Variants in SCFD2 observed in about 807,000 individuals in gnomAD.
SCFD2 encodes the protein sec1 family domain containing 2.
A neutral mutation model predicts 58.9 loss-of-function variants in SCFD2; 54 were observed. The ratio of observed to expected loss-of-function variants is 0.92; its 90% CI spans 0.74 to 1.15. The LOEUF is 1.15. Ranked by LOEUF, SCFD2 falls within the 50% of genes most tolerant of loss-of-function variation. The pLI is 0.00. For missense variants in SCFD2, 805 were observed against 836.6 expected (o/e 0.96, Z 0.47); for synonymous variants, 321 against 335.9 (o/e 0.96, Z 0.49).
chr4:53,305,253 C>A (rs778131237), intron 3 of SCFD2, among the ~76,000 whole-genome samples: 1 of 152,094 alleles, frequency 6.6e-6, no homozygotes, highest in Non-Finnish European at 1.5e-5. Context: ...TCCCTATGTT[C>A]TCTTCTAAGA....
intron 4 of SCFD2, among the ~76,000 whole-genome samples, chr4:53,236,852 ATTT>A (rs869043344): frequency 1.1e-4 from 12 of 107,660 alleles, no homozygotes; most frequent in Non-Finnish European, 1.6e-4. Context: ...TTATTTATTT[ATTT>A]TTTATTGATA....
chr4:53,010,140 G>T (rs2148806510), intron 5 of SCFD2, among the ~76,000 whole-genome samples: 1 of 152,200 alleles, frequency 6.6e-6, no homozygotes, highest in African/African-American at 2.4e-5. Context: ...CATTTGTTTT[G>T]CTGAGTTGAT....
At chr4:53,025,449 C>T (rs1457775250) in intron 5 of SCFD2, among the ~76,000 whole-genome samples, 2 of 152,130 alleles carry the variant, frequency 1.3e-5, no homozygotes, top group Non-Finnish European at 2.9e-5. Flanking sequence ...CTCCATGCTG[C>T]TGATGGAGAA....
rs1723106498 is a variant in SCFD2 at position 53,048,712 on chromosome 4, C to T, written c.1561+96621G>A. The stretch of plus-strand genomic sequence containing the variant: ...GCTGTGTATCTCAAATGTTTTATTT[C>T]GATGGCCCTCCAGGCCCTGGGTCAT... On this transcript the variant is annotated intron_variant, in intron 5 of 8. Coordinates refer to ENST00000401642, the MANE Select transcript of SCFD2 (RefSeq NM_152540.4). Among the ~76,000 whole-genome samples the T allele has an allele frequency of 2.6e-5, 4 of 152,140 alleles. No homozygotes were observed. The South Asian group carries it at 8.3e-4, about 32-fold the overall frequency.
chr4:52,918,457 G>A (rs566941655), intron 6 of SCFD2, among the ~76,000 whole-genome samples: 1 of 152,058 alleles, frequency 6.6e-6, no homozygotes, highest in Non-Finnish European at 1.5e-5. Flanking sequence ...TTGTCACAAG[G>A]CTTACATCTG....
chr4:53,223,900 G>GT (rs1729121283), intron 4 of SCFD2, among the ~76,000 whole-genome samples: 1 of 152,134 alleles, frequency 6.6e-6, no homozygotes, highest in South Asian at 2.1e-4. Context: ...CTGCATTATA[G>GT]ATACTACGAA....
At chr4:53,350,109 AG>A (rs1403434139) in intron 2 of SCFD2, among the ~76,000 whole-genome samples, 1 of 152,198 alleles carries the variant, frequency 6.6e-6, no homozygotes, top group Non-Finnish European at 1.5e-5. Flanking sequence ...GTCCTCTGTA[AG>A]TGTGTGCTAT....
chr4:53,118,522 T>C (rs1157528967), intron 5 of SCFD2, among the ~76,000 whole-genome samples: 3 of 152,186 alleles, frequency 2.0e-5, no homozygotes, highest in Non-Finnish European at 4.4e-5. Context: ...CATCTCATAA[T>C]TGCAATAAGT....
intron 5 of SCFD2, among the ~76,000 whole-genome samples, chr4:53,032,840 G>A (rs1395622460): frequency 6.6e-6 from 1 of 152,090 alleles, no homozygotes; most frequent in African/African-American, 2.4e-5. Flanking sequence ...GGCCTACAAA[G>A]AGACTTAGAC....
intron 5 of SCFD2, among the ~76,000 whole-genome samples, chr4:53,002,926 G>A (rs1721897064): frequency 6.6e-6 from 1 of 152,156 alleles, no homozygotes; most frequent in Admixed American, 6.5e-5. Flanking sequence ...TATCTTACAT[G>A]GTGGGAGTAG....
At chr4:52,974,833 T>C (rs1410639791) in intron 5 of SCFD2, among the ~76,000 whole-genome samples, 1 of 151,866 alleles carries the variant, frequency 6.6e-6, no homozygotes, top group East Asian at 1.9e-4. Context: ...TATAGACCAA[T>C]GGAACAGAAC....
intron 4 of SCFD2, among the ~76,000 whole-genome samples, chr4:53,229,485 A>G: frequency 6.6e-6 from 1 of 152,230 alleles, no homozygotes; most frequent in East Asian, 1.9e-4. Context: ...CAACTATCTG[A>G]TCTTTGACAA....
intron 2 of SCFD2, among the ~76,000 whole-genome samples, chr4:53,331,490 A>T (rs1010652587): frequency 5.9e-5 from 9 of 152,256 alleles, no homozygotes; most frequent in Non-Finnish European, 1.2e-4. Context: ...CTGCTCCTGA[A>T]TGACTACTGG....
intron 5 of SCFD2, among the ~76,000 whole-genome samples, chr4:52,941,728 C>A (rs1351877401): frequency 3.3e-5 from 5 of 152,204 alleles, no homozygotes; most frequent in African/African-American, 1.2e-4. Flanking sequence ...GGGAAATTTA[C>A]AAAGTTAGGA....
chr4:53,132,188 T>C (rs1315383445), intron 5 of SCFD2, among the ~76,000 whole-genome samples: 1 of 152,246 alleles, frequency 6.6e-6, no homozygotes, highest in African/African-American at 2.4e-5. Flanking sequence ...ACATAGCTTG[T>C]GATATATTTT....
chr4:53,300,377 T>G (rs1732233954), intron 3 of SCFD2, among the ~76,000 whole-genome samples: 1 of 152,128 alleles, frequency 6.6e-6, no homozygotes, highest in Non-Finnish European at 1.5e-5. Flanking sequence ...GCTAAAGGTA[T>G]CAATTCAACA....
At chr4:53,299,702 G>A (rs1234979308) in intron 3 of SCFD2, among the ~76,000 whole-genome samples, 2 of 152,154 alleles carry the variant, frequency 1.3e-5, no homozygotes, top group East Asian at 3.9e-4. Context: ...AGAGATAAAC[G>A]TCAGGTTACC....
At chr4:53,266,299 AAAT>A in intron 4 of SCFD2, among the ~76,000 whole-genome samples, 1 of 152,362 alleles carries the variant, frequency 6.6e-6, no homozygotes, top group East Asian at 1.9e-4. Flanking sequence ...CTGAAAGAAT[AAAT>A]AATAATGACT....
At chr4:52,908,604 A>T (rs1209445746) in intron 6 of SCFD2, among the ~76,000 whole-genome samples, 1 of 152,152 alleles carries the variant, frequency 6.6e-6, no homozygotes, top group Non-Finnish European at 1.5e-5. Flanking sequence ...TGTCTGTAGC[A>T]ACTGTCAAGG....
Sources: gnomAD v4.1 joint callset for allele counts (sites outside exome capture counted in the v4.1 genomes callset) on GRCh38, gnomAD v4.1.1 for gene constraint, MANE v1.5 for transcripts, NCBI Gene and HGNC (gene_info 2026-07-23, HGNC 2026-07-21) for gene names.